Variants in PRCD observed in about 807,000 individuals in gnomAD.
PRCD encodes the protein photoreceptor disk component PRCD.
PRCD carries 12 observed loss-of-function variants against 10.1 expected under a neutral mutation model. That is an observed-to-expected ratio of 1.18 (90% confidence interval 0.76 to 1.92). The LOEUF (loss-of-function observed/expected upper bound fraction) is 1.92, where lower values mean the gene tolerates loss of function less well. PRCD is among the 40% of genes most tolerant of loss of function. The pLI is 0.00. For missense variants in PRCD, 61 were observed against 72.2 expected (o/e 0.84, Z 0.56); for synonymous variants, 31 against 26.2 (o/e 1.18, Z -0.56).
At chr17:76,547,700 GACAC>G (rs140351477), downstream of PRCD, among the ~76,000 whole-genome samples, 67 of 136,026 alleles carry the variant, frequency 4.9e-4, no homozygotes, top group African/African-American at 1.3e-3. Flanking sequence ...CACACACACA[GACAC>G]ACACACACAG....
chr17:76,530,672 C>G lies in PRCD; in HGVS notation n.45+2839C>G, dbSNP rs1275002221. Among the ~76,000 whole-genome samples the G allele has an allele frequency of 2.0e-5, 3 of 152,192 alleles. No individual in the cohort carries two copies. Among genetic ancestry groups the G allele is most frequent in the Non-Finnish European group, 4.4e-5 (3 of 68,032 alleles). On this transcript the variant is annotated intron_variant and non_coding_transcript_variant, in intron 1 of 4. Transcript: ENST00000397633. This position sits in a 1 kb window ranked among gnomAD's most constrained non-coding sequence, Gnocchi z 6.1. The stretch of plus-strand genomic sequence containing the variant: ...ACCTTACCGCCAGGAGCCTCTGGCG[C>G]CTCTCTGCCTGGGCAGCTGTGGCTT...
At position 76,531,425 on chromosome 17, in the gene PRCD, G is replaced by A. The variant is rs1451362811; in HGVS notation, n.45+3592G>A. The A allele has an allele frequency of 6.3e-7, 1 of 1,589,334 alleles. No homozygotes were observed. The highest frequency in any genetic ancestry group is 8.6e-7 in the Non-Finnish European group (1 of 1,160,144). The stretch of plus-strand genomic sequence containing the variant: ...AGCTGCAGATGGCCATGACGCGTGG[G>A]CGGTGGGGGCTCTGCAGCAGATGGG... On this transcript the variant is annotated intron_variant and non_coding_transcript_variant, in intron 1 of 4. Transcript: ENST00000397633. The surrounding 1 kb of genome is among the most constrained non-coding windows in gnomAD (Gnocchi z 7.4).
At chr17:76,527,804 G>A (rs774231081) in exon 1 of PRCD, 5 of 453,832 alleles carry the variant, frequency 1.1e-5, no homozygotes, top group African/African-American at 4.0e-5. Context: ...CCAGAACTTC[G>A]CTCTGCCCCT....
chr17:76,532,833 G>A (rs1460435148), intron 1 of PRCD, among the ~76,000 whole-genome samples: 1 of 152,158 alleles, frequency 6.6e-6, no homozygotes, highest in South Asian at 2.1e-4. Flanking sequence ...CACCACGCCC[G>A]GCCGACAATG....
chr17:76,543,415 G>A (rs1598214439), intron 4 of PRCD: 2 of 335,676 alleles, frequency 6.0e-6, no homozygotes, highest in South Asian at 4.8e-5. Flanking sequence ...AGCAAGGGAC[G>A]GCTGATAGCT....
downstream of PRCD, chr17:76,547,481 G>C (rs1407734183): frequency 6.6e-6 from 1 of 152,324 alleles, no homozygotes; most frequent in African/African-American, 2.4e-5. Flanking sequence ...CAGTCCTTGT[G>C]CCTAAGGAGC....
chr17:76,543,899 G>A lies in PRCD; in HGVS notation c.*249G>A, dbSNP rs2075021760. 2.1e-6 allele frequency: 1 copy of A among 470,896 alleles called. No homozygotes were observed. Among genetic ancestry groups the A allele is most frequent in the Admixed American group, 2.3e-5 (1 of 42,572 alleles). The allele number at this position is 470,896 out of a possible 1,614,324, so 29.2% of individuals were successfully genotyped here. On this transcript the variant is annotated 3_prime_UTR_variant, in exon 5 of 5. Transcript: ENST00000592014. ...CATGTCTGCCTGCAGCTGGATGGGA[G>A]CAACGGACAGCTTGTCCTCCGAATG...
chr17:76,537,214 G>A (rs574461107), upstream of PRCD, among the ~76,000 whole-genome samples: 60 of 152,336 alleles, frequency 3.9e-4, no homozygotes, highest in Middle Eastern at 6.8e-3. Context: ...CCGGAGCCAG[G>A]GAAGGCTCAA....
In PRCD at chr17:76,540,191, G is replaced by A. The variant is rs768323513; in HGVS notation, c.50G>A (p.Arg17His). The A allele has an allele frequency of 1.9e-5, 29 of 1,528,730 alleles. No individual in the cohort carries two copies. The African/African-American group carries it at 2.0e-4, about 11-fold the overall frequency. 94.7% of individuals were successfully genotyped at this position (1,528,730 alleles called of 1,614,324 possible). A position where few individuals can be genotyped will look rare whatever the true frequency, so the allele number is the denominator to read the frequency against. ...AGCACCCTGGCCATGCTCTGGCGCC[G>A]CCGATTTGCCAACCGAGTCCAACCG... ...LLSTLAMLWR[R>H]RFANRVQPEP... The change falls in exon 1 of 5, where the codon CGC (arginine) becomes CAC (histidine). Residue 17 changes from arginine to histidine, a missense_variant. Physicochemically the swap from Arg to His is conservative, Grantham distance 29 (BLOSUM62 0). Transcript: ENST00000592014. The surrounding 1 kb of genome is among the most constrained non-coding windows in gnomAD (Gnocchi z 5.0).
chr17:76,549,951 GTTTGTTT>G (rs2075090851), downstream of PRCD: 1 of 152,010 alleles, frequency 6.6e-6, no homozygotes, highest in Admixed American at 6.6e-5. Flanking sequence ...TTGTTTTTTT[GTTTGTTT>G]TTTTTTCTTT....
Position 76,544,832 on chromosome 17 carries a change from G to A in PRCD, c.*1182G>A, listed in dbSNP as rs2075035502. ...TCTCCTTCCACTGGTCTGAGGAATT[G>A]TCAGGCCAAGGTCATGGAGCTGGCT... On this transcript the variant is annotated 3_prime_UTR_variant, in exon 5 of 5. Transcript: ENST00000592014. The A allele has an allele frequency of 2.2e-6, 1 of 456,686 alleles. No homozygotes were observed. The highest frequency in any genetic ancestry group is 4.4e-6 in the Non-Finnish European group (1 of 226,996). 28.3% of individuals were successfully genotyped at this position (456,686 alleles called of 1,614,324 possible).
chr17:76,540,327 G>T lies in PRCD; in HGVS notation c.74+112G>T. On this transcript the variant is annotated intron_variant, in intron 1 of 4. Coordinates refer to ENST00000592014, the MANE Select transcript of PRCD (RefSeq NM_001077620.3). This position sits in a 1 kb window ranked among gnomAD's most constrained non-coding sequence, Gnocchi z 5.0. ...GGCTGCGTGAACCTTCAGCGGGGCT[G>T]GGAGGGCATTTTGAGGAACCCTTGA... The T allele has an allele frequency of 7.3e-7, 1 of 1,365,330 alleles. No homozygotes were observed. Among genetic ancestry groups the T allele is most frequent in the Admixed American group, 2.0e-5 (1 of 50,942 alleles). 84.6% of individuals were successfully genotyped at this position (1,365,330 alleles called of 1,614,324 possible).
At chr17:76,552,944 CATGTATACAT>C (rs1480395487) in intron 1 of PRCD, 1 of 124,666 alleles carries the variant, frequency 8.0e-6, no homozygotes, top group Admixed American at 7.6e-5. Flanking sequence ...TATATGTATA[CATGTATACAT>C]ATATATGTGT....
chr17:76,536,800 T>A (rs1224741959), upstream of PRCD, among the ~76,000 whole-genome samples: 3 of 152,174 alleles, frequency 2.0e-5, no homozygotes, highest in East Asian at 3.8e-4. Flanking sequence ...GGGGACTGTT[T>A]GCTTCTCCAC....
At chr17:76,529,879 G>A (rs558736090) in intron 1 of PRCD, 214 of 985,252 alleles carry the variant, frequency 2.2e-4, no homozygotes, top group Admixed American at 6.8e-4. Flanking sequence ...AGTTCCCGAG[G>A]ACTCCACTCT....
chr17:76,534,763 G>A (rs1412340105), intron 1 of PRCD, among the ~76,000 whole-genome samples: 1 of 152,326 alleles, frequency 6.6e-6, no homozygotes, highest in South Asian at 2.1e-4. Flanking sequence ...ATCGTGGCCT[G>A]GTAACCAGGT....
At chr17:76,534,953 A>AG (rs1303415103) in intron 1 of PRCD, among the ~76,000 whole-genome samples, 3 of 152,178 alleles carry the variant, frequency 2.0e-5, no homozygotes, top group Non-Finnish European at 4.4e-5. Context: ...GCTGCCAGGG[A>AG]GGAGCCTCCA....
intron 2 of PRCD, among the ~76,000 whole-genome samples, chr17:76,541,829 G>C (rs960677619): frequency 1.2e-4 from 18 of 152,216 alleles, no homozygotes; most frequent in African/African-American, 4.3e-4. Flanking sequence ...CTAATGGAAA[G>C]ACTATGGGGG....
At chr17:76,536,475 C>A (rs1449912534), upstream of PRCD, among the ~76,000 whole-genome samples, 5 of 152,210 alleles carry the variant, frequency 3.3e-5, no homozygotes, top group African/African-American at 1.2e-4. Context: ...TGGTCTGGGG[C>A]TCCTCTGCCT....
Sources: gnomAD v4.1 joint callset for allele counts (sites outside exome capture counted in the v4.1 genomes callset) on GRCh38, gnomAD v4.1.1 for gene constraint, Gnocchi (gnomAD v3.1) non-coding constraint, MANE v1.5 for transcripts, NCBI Gene and HGNC (gene_info 2026-07-23, HGNC 2026-07-21) for gene names.